Variants in CACNA1C observed in about 807,000 individuals in gnomAD.
CACNA1C encodes the protein calcium voltage-gated channel subunit alpha1 C, also known as voltage-dependent L-type calcium channel subunit alpha-1C.
CACNA1C carries 30 observed loss-of-function variants against 229.0 expected under a neutral mutation model. The ratio of observed to expected loss-of-function variants is 0.13; its 90% confidence interval spans 0.10 to 0.18. The LOEUF is 0.18. Ranked by LOEUF, CACNA1C falls within the 10% of genes least tolerant of loss-of-function variation. The pLI is 1.00. For missense variants in CACNA1C, 1,658 were observed against 2,845.0 expected, an observed-to-expected ratio of 0.58 and a Z score of 9.49; for synonymous variants, 1,114 against 1,132.5, an observed-to-expected ratio of 0.98 and a Z score of 0.33.
At chr12:2,052,257 A>G (rs571449966), upstream of CACNA1C, among the ~76,000 whole-genome samples, 10 of 152,304 alleles carry the variant, frequency 6.6e-5, no homozygotes, top group South Asian at 1.7e-3. Context: ...GAATCTGTTC[A>G]GACATCTGGG....
chr12:2,107,213 C>A (rs962912883), intron 1 of CACNA1C, among the ~76,000 whole-genome samples: 1 of 145,220 alleles, frequency 6.9e-6, no homozygotes, highest in African/African-American at 2.6e-5. Context: ...GCTGGGGTGT[C>A]CTGAAGCCGC....
chr12:2,165,891 C>T (rs2096197043), intron 3 of CACNA1C, among the ~76,000 whole-genome samples: 1 of 152,154 alleles, frequency 6.6e-6, no homozygotes, highest in Non-Finnish European at 1.5e-5. Flanking sequence ...CATTGACTCT[C>T]AGAGTCAGAA....
chr12:2,053,233 G>A lies in CACNA1C; in HGVS notation c.-330G>A. On this transcript the variant is annotated 5_prime_UTR_variant, in exon 1 of 47. Coordinates refer to ENST00000399655, the MANE Select transcript of CACNA1C (RefSeq NM_000719.7). The surrounding 1 kb of genome is among the most constrained non-coding windows in gnomAD (Gnocchi z 5.8). ...CCGCCCCTCCTCTCCGCCTCTTCTC[G>A]CCCTGCCTCTCCCGATTTATTTTTT... 2 of 1,028,742 alleles carry A rather than the reference G, an allele frequency of 1.9e-6. No individual in the cohort carries two copies. The highest frequency in any genetic ancestry group is 2.3e-6 in the Non-Finnish European group (2 of 858,290). 63.7% of individuals were successfully genotyped at this position (1,028,742 alleles called of 1,614,324 possible). A position where few individuals can be genotyped will look rare whatever the true frequency, so the allele number is the denominator to read the frequency against.
intron 3 of CACNA1C, among the ~76,000 whole-genome samples, chr12:2,210,077 T>C (rs1025063360): frequency 9.2e-5 from 14 of 152,240 alleles, no homozygotes; most frequent in African/African-American, 3.4e-4. Flanking sequence ...ACTTTCAACT[T>C]GTTTCTAAAA....
intron 1 of CACNA1C, chr12:2,020,011 TTCTC>T (rs1266013612): frequency 2.0e-5 from 3 of 152,208 alleles, no homozygotes; most frequent in Non-Finnish European, 1.5e-5. Context: ...AGAGAACTTT[TTCTC>T]TCTCTTTCTC....
chr12:2,246,311 A>G (rs1028065928), intron 3 of CACNA1C, among the ~76,000 whole-genome samples: 1 of 152,154 alleles, frequency 6.6e-6, no homozygotes, highest in Non-Finnish European at 1.5e-5. Context: ...AGTGGACCCA[A>G]TTCTGTAGAT....
At chr12:2,162,891 G>A (rs752053374) in intron 3 of CACNA1C, among the ~76,000 whole-genome samples, 10 of 152,086 alleles carry the variant, frequency 6.6e-5, no homozygotes, top group South Asian at 2.1e-4. Context: ...CTTCTTGAAC[G>A]TCTTCATTAA....
rs917806687 is a variant in CACNA1C, at chr12:2,649,639, A to G, written c.3945+1132A>G. Among the ~76,000 whole-genome samples the G allele has an allele frequency of 2.6e-5, 4 of 152,114 alleles. No homozygotes were observed. The highest frequency in any genetic ancestry group is 9.7e-5 in the African/African-American group (4 of 41,414). On this transcript the variant is annotated intron_variant, in intron 31 of 46. Transcript: ENST00000399655. This position sits in a 1 kb window ranked among gnomAD's most constrained non-coding sequence, Gnocchi z 4.4. ...CACAGGGGAGGGCTCTGAACAGTGGAATGGAATTCACGCTGCAAGCTTGGT... is the reference window on the plus strand; with the variant it reads ...CACAGGGGAGGGCTCTGAACAGTGGGATGGAATTCACGCTGCAAGCTTGGT...
rs770120124 is a variant in CACNA1C at position 2,487,116 on chromosome 12, T to C, written c.916+854T>C. 5.5e-4 allele frequency among the ~76,000 whole-genome samples: 84 copies of C among 152,096 alleles called. 1 individual carries two copies. Among genetic ancestry groups the C allele is most frequent in the Non-Finnish European group, 2.1e-4 (14 of 68,034 alleles). ...TTGACAAGGCTTTTAAACAGACATA[T>C]ACAGTGGCTTAACACAAAGAACTTG... On this transcript the variant is annotated intron_variant, in intron 6 of 46. Transcript: ENST00000399655.
Position 2,410,653 on chromosome 12 carries a change from G to A in CACNA1C, c.478-38323G>A, listed in dbSNP as rs532173400. Among the ~76,000 whole-genome samples the A allele has an allele frequency of 9.7e-4, 146 of 151,104 alleles. No individual in the cohort carries two copies. The highest frequency in any genetic ancestry group is 3.4e-3 in the African/African-American group (138 of 40,946). On this transcript the variant is annotated intron_variant, in intron 3 of 46. Transcript: ENST00000399655. This position sits in a 1 kb window ranked among gnomAD's most constrained non-coding sequence, Gnocchi z 5.3. Reference sequence around the variant, plus strand: ...CCTGTGTGTGTGTGTGTGTGCATGCGTGTGTGTGTTCCAGGAGCTGACTCT... The same window carrying A: ...CCTGTGTGTGTGTGTGTGTGCATGCATGTGTGTGTTCCAGGAGCTGACTCT...
intron 3 of CACNA1C, among the ~76,000 whole-genome samples, chr12:2,298,105 T>C (rs2094225788): frequency 6.6e-6 from 1 of 152,198 alleles, no homozygotes; most frequent in Non-Finnish European, 1.5e-5. Flanking sequence ...CATGTGCTGT[T>C]GTGCTTGGTG....
chr12:2,489,100 T>TTTTC lies in CACNA1C; in HGVS notation c.916+2858_916+2861dup, dbSNP rs767483128. Among the ~76,000 whole-genome samples the TTTTC allele has an allele frequency of 3.5e-4, 54 of 152,262 alleles. No individual in the cohort carries two copies. The South Asian group carries it at 6.8e-3, about 19-fold the overall frequency. ...AACTTTGGAATGGGTGGTTTAATTT[T>TTTTC]TTTCTTTCTTTCTTTCTTTCTTTTT... On this transcript the variant is annotated intron_variant, in intron 6 of 46. Coordinates refer to ENST00000399655, the MANE Select transcript of CACNA1C (RefSeq NM_000719.7).
In CACNA1C at chr12:2,677,653, T is replaced by TA. The variant is rs986293201; in HGVS notation, c.4957-80_4957-79insA. On this transcript the variant is annotated intron_variant, in intron 40 of 46. Coordinates refer to ENST00000399655, the MANE Select transcript of CACNA1C (RefSeq NM_000719.7). This position sits in a 1 kb window ranked among gnomAD's most constrained non-coding sequence, Gnocchi z 7.4. ...GATGCCAGGGCCCTGGAGGGACAGGTCTTGGCCCGAGGCTGTGGCTGGCTG... is the reference window on the plus strand; with the variant it reads ...GATGCCAGGGCCCTGGAGGGACAGGTACTTGGCCCGAGGCTGTGGCTGGCTG... 197 of 1,508,568 alleles carry TA rather than the reference T, an allele frequency of 1.3e-4. No individual in the cohort carries two copies. In the African/African-American group the frequency reaches 2.4e-3, roughly 18 times the overall value. The allele number at this position is 1,508,568 out of a possible 1,614,324, so 93.4% of individuals were successfully genotyped here. A position where few individuals can be genotyped will look rare whatever the true frequency, so the allele number is the denominator to read the frequency against.
At chr12:2,161,023 T>C (rs1158350593) in intron 3 of CACNA1C, among the ~76,000 whole-genome samples, 1 of 152,242 alleles carries the variant, frequency 6.6e-6, no homozygotes, top group Non-Finnish European at 1.5e-5. Context: ...GGTTTCACCA[T>C]GTTAGCCAGA....
rs2154571915 is a variant in CACNA1C, at chr12:2,493,709, C to G, written c.1113+323C>G. ...CAAGGGTTCCGTTCAACTCCTCCTC[C>G]CATGCAGAGTTCCTTCTGCCCTCAT... On this transcript the variant is annotated intron_variant, in intron 7 of 46. Transcript: ENST00000399655. This position sits in a 1 kb window ranked among gnomAD's most constrained non-coding sequence, Gnocchi z 4.6. Among the ~76,000 whole-genome samples, 1 of 152,304 alleles carries G rather than the reference C, an allele frequency of 6.6e-6. No homozygotes were observed. The highest frequency in any genetic ancestry group is 1.5e-5 in the Non-Finnish European group (1 of 68,032).
chr12:2,294,077 G>T (rs1274251058), intron 3 of CACNA1C, among the ~76,000 whole-genome samples: 1 of 152,220 alleles, frequency 6.6e-6, no homozygotes, highest in African/African-American at 2.4e-5. Context: ...GACCAGACAT[G>T]AGGGGTGTTT....
chr12:2,667,762 C>T (rs1166221045), intron 37 of CACNA1C, among the ~76,000 whole-genome samples: 1 of 152,092 alleles, frequency 6.6e-6, no homozygotes, highest in Non-Finnish European at 1.5e-5. Flanking sequence ...CAGTTCACAC[C>T]GTCCATGAGG....
At chr12:2,234,501 A>G (rs1483693084) in intron 3 of CACNA1C, among the ~76,000 whole-genome samples, 2 of 152,194 alleles carry the variant, frequency 1.3e-5, no homozygotes, top group African/African-American at 4.8e-5. Context: ...GGTGTGCCGA[A>G]GATACTGCCA....
chr12:2,106,016 G>A (rs1253977957), intron 1 of CACNA1C, among the ~76,000 whole-genome samples: 2 of 47,448 alleles, frequency 4.2e-5, no homozygotes, highest in Non-Finnish European at 5.2e-5. Flanking sequence ...CCCGGGGAGG[G>A]TTTCCACCTC....
Sources: allele counts gnomAD v4.1 joint callset (sites outside exome capture counted in the v4.1 genomes callset), GRCh38; gene constraint gnomAD v4.1.1; non-coding constraint Gnocchi (gnomAD v3.1); transcripts MANE v1.5; gene names NCBI Gene and HGNC (gene_info 2026-07-23, HGNC 2026-07-21).